The following RERE variants were observed in gnomAD, a reference collection of about 807,000 sequenced individuals.
RERE encodes arginine-glutamic acid dipeptide repeats.
In RERE, 40 loss-of-function variants were observed where a neutral mutation model predicts 146.1. That is an observed-to-expected ratio of 0.27 (90% CI 0.21 to 0.36). The LOEUF is 0.36. Ranked by LOEUF, RERE falls within the 10% of genes least tolerant of loss-of-function variation. The probability of loss-of-function intolerance (pLI) is 1.00; values close to 1 mark genes in which losing one functional copy is unlikely to be tolerated. For missense variants in RERE, 1,933 were observed against 2,138.7 expected, an observed-to-expected ratio of 0.90 and a Z score of 1.90; for synonymous variants, 1,003 against 866.0, an observed-to-expected ratio of 1.16 and a Z score of -2.78.
intron 12 of RERE, among the ~76,000 whole-genome samples, chr1:8,403,282 A>C (rs1440409030): frequency 6.6e-6 from 1 of 152,024 alleles, no homozygotes; most frequent in African/African-American, 2.4e-5. Context: ...TCTCTTTTGA[A>C]ATTTCCTATC....
intron 12 of RERE, among the ~76,000 whole-genome samples, chr1:8,373,384 C>T (rs913289043): frequency 2.6e-5 from 4 of 151,870 alleles, no homozygotes; most frequent in Admixed American, 6.6e-5. Flanking sequence ...TGGTGGTCCA[C>T]GTAAAGGGGA....
intron 1 of RERE, among the ~76,000 whole-genome samples, chr1:8,725,373 CTGACCAACA>C (rs1639941862): frequency 6.6e-6 from 1 of 152,190 alleles, no homozygotes; most frequent in East Asian, 1.9e-4. Flanking sequence ...TGAGACCAAC[CTGACCAACA>C]TGGTAAAGCC....
intron 4 of RERE, among the ~76,000 whole-genome samples, chr1:8,596,665 T>G (rs2124121127): frequency 7.7e-6 from 1 of 129,360 alleles, no homozygotes; most frequent in Non-Finnish European, 1.6e-5. Context: ...CAAGCTACCA[T>G]GTCTGGCTTT....
At chr1:8,748,298 A>C (rs1640464257) in intron 1 of RERE, among the ~76,000 whole-genome samples, 1 of 152,168 alleles carries the variant, frequency 6.6e-6, no homozygotes, top group South Asian at 2.1e-4. Context: ...CAATCACTTC[A>C]GTCAGAAACG....
rs1477281865 is a variant in RERE at position 8,361,467 on chromosome 1, T to C, written c.2040A>G (p.Pro680=). 1 of 1,612,440 alleles carries C rather than the reference T, an allele frequency of 6.2e-7. No homozygotes were observed. The highest frequency in any genetic ancestry group is 8.5e-7 in the Non-Finnish European group (1 of 1,179,964). Residue 680 remains proline (P), a synonymous_variant, in exon 18 of 23, where the codon CCA becomes CCG. Transcript: ENST00000400908. ...KTQEISRPNS[P]SEGEGESSDS... ...CTGAACTCTCTCCCTCACCTTCAGA[T>C]GGCGAGTTGGGCCTGCTGATCTCCT...
chr1:8,800,434 T>C (rs1641565995), intron 1 of RERE, among the ~76,000 whole-genome samples: 1 of 152,166 alleles, frequency 6.6e-6, no homozygotes, highest in East Asian at 1.9e-4. Flanking sequence ...CCTGTCTCTA[T>C]GACTGAGAGA....
At chr1:8,778,887 A>G (rs936818000) in intron 1 of RERE, among the ~76,000 whole-genome samples, 1 of 151,942 alleles carries the variant, frequency 6.6e-6, no homozygotes. Context: ...TTCCTCTGTC[A>G]CCCAGGCTAG....
chr1:8,546,700 T>G (rs1645866760), intron 6 of RERE, among the ~76,000 whole-genome samples: 1 of 151,942 alleles, frequency 6.6e-6, no homozygotes, highest in African/African-American at 2.4e-5. Context: ...ATACAAAGAT[T>G]AGCTGTGCAT....
intron 12 of RERE, among the ~76,000 whole-genome samples, chr1:8,415,934 AATT>A (rs1458722570): frequency 6.6e-6 from 1 of 152,244 alleles, no homozygotes; most frequent in Non-Finnish European, 1.5e-5. Context: ...TGTGAGCACA[AATT>A]ATTAAGAAAA....
At position 8,507,737 on chromosome 1, in the gene RERE, C is replaced by CTTTTTTTTTTTTTTTT. The variant is rs58647657; in HGVS notation, c.879+874_879+889dup. Among the ~76,000 whole-genome samples the CTTTTTTTTTTTTTTTT allele has an allele frequency of 4.9e-4, 42 of 85,942 alleles. 3 individuals are homozygous for CTTTTTTTTTTTTTTTT. Among genetic ancestry groups the CTTTTTTTTTTTTTTTT allele is most frequent in the African/African-American group, 7.5e-4 (15 of 20,032 alleles). 56.4% of individuals were successfully genotyped at this position (85,942 alleles called of 152,430 possible). ...AAAAGAGGTTTTAAACATCTTTTAT[C>CTTTTTTTTTTTTTTTT]TTTTTTTTTTTTTTTTTTTGAGACA... On this transcript the variant is annotated intron_variant, in intron 8 of 22. Coordinates refer to ENST00000400908, the MANE Select transcript of RERE (RefSeq NM_001042681.2).
chr1:8,422,620 T>A (rs1643926109), intron 12 of RERE, 107 bp downstream of exon 12: 2 of 806,746 alleles, frequency 2.5e-6, no homozygotes, highest in East Asian at 5.0e-5. Flanking sequence ...AGCCCGAGTC[T>A]GAGCACAGCG....
Position 8,688,777 on chromosome 1 carries a change from A to G in RERE, c.-144-32336T>C, listed in dbSNP as rs189334411. Among the ~76,000 whole-genome samples the G allele has an allele frequency of 1.1e-3, 172 of 152,336 alleles. 1 individual carries two copies. Among genetic ancestry groups the G allele is most frequent in the Non-Finnish European group, 2.6e-4 (18 of 68,036 alleles). On this transcript the variant is annotated intron_variant, in intron 1 of 22. Transcript: ENST00000400908. ...CATGAGATATCCAACACTTTCTTAT[A>G]TAATAGGATTTATGTTAGATGATTT... is the stretch of plus-strand genomic sequence containing the variant.
At chr1:8,741,381 G>A (rs1451103982) in intron 1 of RERE, among the ~76,000 whole-genome samples, 1 of 152,134 alleles carries the variant, frequency 6.6e-6, no homozygotes. Flanking sequence ...AATGAAGGGG[G>A]GTGACATGGT....
At chr1:8,493,639 G>A (rs887015941) in intron 10 of RERE, among the ~76,000 whole-genome samples, 5 of 151,844 alleles carry the variant, frequency 3.3e-5, no homozygotes, top group Non-Finnish European at 7.4e-5. Context: ...TAGCCGCCTC[G>A]GATTCTCCTA....
At chr1:8,484,648 C>T (rs1023248686) in intron 10 of RERE, among the ~76,000 whole-genome samples, 2 of 152,234 alleles carry the variant, frequency 1.3e-5, no homozygotes, top group African/African-American at 4.8e-5. Flanking sequence ...GTATGGAACT[C>T]CCAGCCTCAG....
Position 8,671,996 on chromosome 1 carries a change from G to A in RERE, c.-144-15555C>T, listed in dbSNP as rs77499810. On this transcript the variant is annotated intron_variant, in intron 1 of 22. Coordinates refer to ENST00000400908, the MANE Select transcript of RERE (RefSeq NM_001042681.2). ...TTTAGAAAAAACATCTCAGCCGGGCGTGGTGGCTCATCCCTAAAATTCTAT... is the reference window on the plus strand; with the variant it reads ...TTTAGAAAAAACATCTCAGCCGGGCATGGTGGCTCATCCCTAAAATTCTAT... Among the ~76,000 whole-genome samples the A allele has an allele frequency of 8.2e-3, 1,252 of 152,230 alleles. 7 individuals are homozygous for A. Among genetic ancestry groups the A allele is most frequent in the Non-Finnish European group, 0.013 (873 of 68,002 alleles).
chr1:8,687,405 A>G (rs1024200146), intron 1 of RERE, among the ~76,000 whole-genome samples: 2 of 152,196 alleles, frequency 1.3e-5, no homozygotes, highest in African/African-American at 4.8e-5. Flanking sequence ...GAAGTATAAA[A>G]GGACAATGTA....
chr1:8,545,675 A>G (rs1038601314), intron 6 of RERE, among the ~76,000 whole-genome samples: 1 of 149,220 alleles, frequency 6.7e-6, no homozygotes, highest in Admixed American at 6.9e-5. Flanking sequence ...TAAATTATTA[A>G]TAAAAAATTC....
intron 2 of RERE, among the ~76,000 whole-genome samples, chr1:8,631,248 T>C (rs964290364): frequency 6.6e-6 from 1 of 152,202 alleles, no homozygotes; most frequent in Non-Finnish European, 1.5e-5. Flanking sequence ...TAAAAAATAA[T>C]GCTGGGCCAG....
Sources: gnomAD v4.1 joint callset for allele counts (sites outside exome capture counted in the v4.1 genomes callset) on GRCh38, gnomAD v4.1.1 for gene constraint, MANE v1.5 for transcripts, NCBI Gene and HGNC (gene_info 2026-07-23, HGNC 2026-07-21) for gene names.